The following NKAIN2 variants were observed in gnomAD, a reference collection of about 807,000 sequenced individuals.
NKAIN2 encodes the protein sodium/potassium transporting ATPase interacting 2, also known as sodium/potassium-transporting ATPase subunit beta-1-interacting protein 2.
NKAIN2 carries 14 observed loss-of-function variants against 32.6 expected under a neutral mutation model. The ratio of observed to expected loss-of-function variants is 0.43; its 90% CI spans 0.28 to 0.67. The LOEUF (loss-of-function observed/expected upper bound fraction) is 0.67, where lower values mean the gene tolerates loss of function less well. NKAIN2 is among the 30% of genes least tolerant of loss of function. NKAIN2 has a pLI of 0.17. For missense variants in NKAIN2, 198 were observed against 258.3 expected, an observed-to-expected ratio of 0.77 and a Z score of 1.60; for synonymous variants, 80 against 87.2, an observed-to-expected ratio of 0.92 and a Z score of 0.46.
intron 3 of NKAIN2, among the ~76,000 whole-genome samples, chr6:124,604,921 T>C (rs1294928530): frequency 6.6e-6 from 1 of 152,000 alleles, no homozygotes; most frequent in African/African-American, 2.4e-5. Flanking sequence ...CCCAAATAGC[T>C]CCTGGCAGAA....
intron 4 of NKAIN2, among the ~76,000 whole-genome samples, chr6:124,678,075 C>T (rs1676294042): frequency 6.6e-6 from 1 of 151,988 alleles, no homozygotes; most frequent in Admixed American, 6.6e-5. Context: ...TTTAGAAATC[C>T]ACTTACAGTC....
chr6:124,624,463 G>A (rs937005087), intron 3 of NKAIN2, among the ~76,000 whole-genome samples: 1 of 152,156 alleles, frequency 6.6e-6, no homozygotes, highest in Non-Finnish European at 1.5e-5. Context: ...AAGTGATGGA[G>A]CATGAGTTCA....
intron 1 of NKAIN2, among the ~76,000 whole-genome samples, chr6:124,100,336 T>TA (rs946209723): frequency 5.3e-5 from 8 of 152,202 alleles, no homozygotes; most frequent in African/African-American, 1.7e-4. Context: ...ACTATTCTTT[T>TA]AAAAAAATTG....
At chr6:124,024,578 A>C (rs1781019487) in intron 1 of NKAIN2, among the ~76,000 whole-genome samples, 2 of 152,096 alleles carry the variant, frequency 1.3e-5, no homozygotes, top group South Asian at 4.1e-4. Flanking sequence ...CATTTTTTAT[A>C]CTTAAATTAT....
rs528773805 is a variant in NKAIN2 at position 124,091,606 on chromosome 6, C to G, written c.55-191399C>G. Among the ~76,000 whole-genome samples the G allele has an allele frequency of 3.0e-4, 46 of 152,062 alleles. No homozygotes were observed. In the East Asian group the frequency reaches 7.9e-3, roughly 26 times the overall value. On this transcript the variant is annotated intron_variant, in intron 1 of 6. Transcript: ENST00000368417. Reference sequence around the variant, plus strand: ...TAAAATATTATCAAATTCTAAATTACTGACTGCAAGCCAGTTACCTTCTCT... The same window carrying G: ...TAAAATATTATCAAATTCTAAATTAGTGACTGCAAGCCAGTTACCTTCTCT...
At chr6:124,251,566 A>G (rs553933811) in intron 1 of NKAIN2, among the ~76,000 whole-genome samples, 5 of 152,138 alleles carry the variant, frequency 3.3e-5, no homozygotes, top group South Asian at 2.1e-4. Flanking sequence ...AAAAGAGGAA[A>G]TCAAAATTAT....
intron 4 of NKAIN2, among the ~76,000 whole-genome samples, chr6:124,715,445 C>T (rs1404242980): frequency 6.6e-6 from 1 of 152,166 alleles, no homozygotes; most frequent in East Asian, 1.9e-4. Flanking sequence ...CTAGACTTAG[C>T]CTTGAGCTCT....
intron 1 of NKAIN2, among the ~76,000 whole-genome samples, chr6:123,956,015 A>C (rs1777568377): frequency 6.6e-6 from 1 of 152,198 alleles, no homozygotes; most frequent in African/African-American, 2.4e-5. Context: ...TATTTTAAAA[A>C]TGCATGGATG....
intron 1 of NKAIN2, among the ~76,000 whole-genome samples, chr6:124,060,620 A>C (rs758201115): frequency 1.3e-5 from 2 of 152,180 alleles, no homozygotes; most frequent in Non-Finnish European, 2.9e-5. Flanking sequence ...CATGTTTAAC[A>C]TATTTGCTAT....
At chr6:124,178,498 C>T (rs1009018875) in intron 1 of NKAIN2, among the ~76,000 whole-genome samples, 7 of 151,974 alleles carry the variant, frequency 4.6e-5, no homozygotes, top group Non-Finnish European at 8.8e-5. Context: ...GGGGTTTCAC[C>T]GTGTTAGCCA....
At chr6:124,524,610 T>C (rs1162210658) in intron 3 of NKAIN2, among the ~76,000 whole-genome samples, 1 of 152,166 alleles carries the variant, frequency 6.6e-6, no homozygotes. Context: ...GTAGGGCATA[T>C]GTTGTTAGCC....
intron 3 of NKAIN2, among the ~76,000 whole-genome samples, chr6:124,408,678 G>A (rs182746228): frequency 0.045 from 6,765 of 151,978 alleles, 249 homozygotes; most frequent in Non-Finnish European, 0.065. Flanking sequence ...TTGGCAATGT[G>A]GGCTCTTTTT....
At chr6:124,251,266 G>A (rs1367681909) in intron 1 of NKAIN2, among the ~76,000 whole-genome samples, 1 of 151,882 alleles carries the variant, frequency 6.6e-6, no homozygotes, top group African/African-American at 2.4e-5. Context: ...TTAACTTAAA[G>A]TATAAGGAGA....
At chr6:124,356,819 C>T (rs117992084) in intron 3 of NKAIN2, among the ~76,000 whole-genome samples, 2,924 of 152,184 alleles carry the variant, frequency 0.019, 34 homozygotes, top group Non-Finnish European at 0.03. Context: ...ATTCCATAGT[C>T]GAATGACTTT....
chr6:124,308,899 A>G (rs2114995150), intron 2 of NKAIN2, among the ~76,000 whole-genome samples: 1 of 152,300 alleles, frequency 6.6e-6, no homozygotes, highest in South Asian at 2.1e-4. Context: ...AGGATTTAAA[A>G]TGGTACAGTT....
At chr6:124,540,936 T>C (rs1458346496) in intron 3 of NKAIN2, among the ~76,000 whole-genome samples, 1 of 152,200 alleles carries the variant, frequency 6.6e-6, no homozygotes, top group Admixed American at 6.5e-5. Flanking sequence ...TAACTGCATT[T>C]CTGCTTAAAA....
chr6:123,937,631 A>G (rs1222229100), intron 1 of NKAIN2, among the ~76,000 whole-genome samples: 1 of 152,118 alleles, frequency 6.6e-6, no homozygotes, highest in Non-Finnish European at 1.5e-5. Context: ...ATGAAAAATA[A>G]TAGTAAATAT....
At chr6:124,284,691 G>A (rs1795459654) in intron 2 of NKAIN2, among the ~76,000 whole-genome samples, 1 of 151,778 alleles carries the variant, frequency 6.6e-6, no homozygotes, top group South Asian at 2.1e-4. Flanking sequence ...GGACTAAAGG[G>A]GATGTTCTAT....
intron 1 of NKAIN2, among the ~76,000 whole-genome samples, chr6:123,868,811 T>C (rs1344664799): frequency 6.6e-6 from 1 of 152,186 alleles, no homozygotes; most frequent in Non-Finnish European, 1.5e-5. Flanking sequence ...TACTCAGAAC[T>C]CTGCATAATA....
Sources: allele counts gnomAD v4.1 joint callset (sites outside exome capture counted in the v4.1 genomes callset), GRCh38; gene constraint gnomAD v4.1.1; transcripts MANE v1.5; gene names NCBI Gene and HGNC (gene_info 2026-07-23, HGNC 2026-07-21).